NUP210L: variants seen among roughly 807,000 people sequenced by gnomAD.
NUP210L encodes the protein nuclear pore membrane glycoprotein 210-like.
A neutral mutation model predicts 208.5 loss-of-function variants in NUP210L; 74 were observed. The ratio of observed to expected loss-of-function variants is 0.35; its 90% CI spans 0.29 to 0.43. The LOEUF (loss-of-function observed/expected upper bound fraction) is 0.43, where lower values mean the gene tolerates loss of function less well. NUP210L is among the 20% of genes least tolerant of loss of function. The pLI, the probability that NUP210L is intolerant of heterozygous loss-of-function variation, is 1.00. For missense variants in NUP210L, 1,843 were observed against 2,289.4 expected (o/e 0.81, Z 3.98); for synonymous variants, 780 against 816.9 (o/e 0.95, Z 0.77).
intron 16 of NUP210L, among the ~76,000 whole-genome samples, chr1:154,087,870 G>T (rs1655706140): frequency 6.6e-6 from 1 of 152,154 alleles, no homozygotes; most frequent in Non-Finnish European, 1.5e-5. Flanking sequence ...CATATGAAAC[G>T]TCAGAATAGG....
chr1:154,151,626 A>C (rs1212510425), intron 2 of NUP210L, among the ~76,000 whole-genome samples: 3 of 152,192 alleles, frequency 2.0e-5, no homozygotes, highest in African/African-American at 4.8e-5. Flanking sequence ...AAGTCCACTT[A>C]AGAATAGGTT....
At chr1:153,994,193 G>A (rs765882788) in intron 38 of NUP210L, among the ~76,000 whole-genome samples, 2 of 152,028 alleles carry the variant, frequency 1.3e-5, no homozygotes, top group Non-Finnish European at 2.9e-5. Context: ...TTTGTTACTT[G>A]AATTATCCCT....
rs184871299 is a variant in NUP210L at position 154,099,904 on chromosome 1, C to T, written c.1965+94G>A. 8.0e-6 allele frequency: 10 copies of T among 1,251,378 alleles called. No individual in the cohort carries two copies. In the East Asian group the frequency reaches 2.1e-4, roughly 26 times the overall value. 77.5% of individuals were successfully genotyped at this position (1,251,378 alleles called of 1,614,324 possible). On this transcript the variant is annotated intron_variant, in intron 14 of 39. Coordinates refer to ENST00000368559, the Ensembl canonical transcript of NUP210L. ...AAAGAGAACATAAATGTCATTGATCCTTAGTGGGGACCACAGATAGCTAGT... is the reference window on the plus strand; with the variant it reads ...AAAGAGAACATAAATGTCATTGATCTTTAGTGGGGACCACAGATAGCTAGT...
At chr1:154,015,844 T>C (rs1651210548) in intron 33 of NUP210L, among the ~76,000 whole-genome samples, 1 of 151,072 alleles carries the variant, frequency 6.6e-6, no homozygotes, top group South Asian at 2.1e-4. Flanking sequence ...AGGAGGTGGA[T>C]CTGAGTGATC....
Position 154,124,676 on chromosome 1 carries a change from T to C in NUP210L, c.1326+1647A>G, listed in dbSNP as rs140676042. The stretch of plus-strand genomic sequence containing the variant: ...AATTAATAGTACTCTATGCACCTGG[T>C]AGTGGTGGCTCACACCTGTAATCTC... On this transcript the variant is annotated intron_variant, in intron 10 of 39. Coordinates refer to ENST00000368559, the Ensembl canonical transcript of NUP210L. 2.6e-3 allele frequency among the ~76,000 whole-genome samples: 401 copies of C among 152,296 alleles called. 2 individuals are homozygous for C. The highest frequency in any genetic ancestry group is 9.2e-3 in the African/African-American group (382 of 41,572).
intron 34 of NUP210L, among the ~76,000 whole-genome samples, chr1:154,010,870 C>CAAAT (rs151119528): frequency 0.01 from 1,522 of 151,468 alleles, 9 homozygotes; most frequent in East Asian, 0.037. Flanking sequence ...AACTCCGTCT[C>CAAAT]AAATAAATAA....
intron 13 of NUP210L, among the ~76,000 whole-genome samples, chr1:154,103,321 G>A (rs1212360306): frequency 1.3e-5 from 2 of 151,292 alleles, no homozygotes; most frequent in African/African-American, 4.9e-5. Context: ...TTGAACCCGG[G>A]AGGTGGAGGT....
exon 6 of NUP210L, chr1:154,138,217 G>A (rs758396442): frequency 9.1e-6 from 14 of 1,534,244 alleles, no homozygotes; most frequent in Admixed American, 2.5e-5. Flanking sequence ...ACAAGCAGAC[G>A]TATTAAGGCT....
chr1:154,130,187 A>C (rs1394722413), intron 7 of NUP210L, among the ~76,000 whole-genome samples: 3 of 151,962 alleles, frequency 2.0e-5, no homozygotes, highest in Non-Finnish European at 4.4e-5. Flanking sequence ...AAAAATACAA[A>C]AATTAGCCAG....
At chr1:154,126,173 T>C (rs1465648843) in intron 10 of NUP210L, 150 bp downstream of exon 10, 2 of 577,752 alleles carry the variant, frequency 3.5e-6, no homozygotes, top group Non-Finnish European at 3.0e-6. Context: ...AGAAAATTTG[T>C]AGAGGTATAC....
At chr1:154,013,195 G>T (rs1316591542) in intron 33 of NUP210L, among the ~76,000 whole-genome samples, 4 of 151,998 alleles carry the variant, frequency 2.6e-5, no homozygotes. Flanking sequence ...ACCATGCCTA[G>T]CCCAAAATAA....
In NUP210L at chr1:154,096,276, T is replaced by C. The variant is rs148921964; in HGVS notation, c.1966-1120A>G. Among the ~76,000 whole-genome samples, 28 of 152,284 alleles carry C rather than the reference T, an allele frequency of 1.8e-4. No homozygotes were observed. The East Asian group carries it at 5.0e-3, about 27-fold the overall frequency. ...CAGAACTGTTCAGTCATATTTATTA[T>C]TGAGTACTATTAAAACTGAAAATTT... is the stretch of plus-strand genomic sequence containing the variant. On this transcript the variant is annotated intron_variant, in intron 14 of 39. Transcript: ENST00000368559.
chr1:154,083,212 GCTGATTGGTCCATTTTACAGAGCA>G (rs1480637566), intron 16 of NUP210L, among the ~76,000 whole-genome samples: 5 of 152,144 alleles, frequency 3.3e-5, no homozygotes, highest in South Asian at 2.1e-4. Context: ...TTTACAGAGT[GCTGATTGGTCCATTTTACAGAGCA>G]CTGATTGGTC....
intron 6 of NUP210L, 27 bp downstream of exon 6, chr1:154,138,079 C>A: frequency 1.4e-6 from 2 of 1,453,112 alleles, no homozygotes; most frequent in South Asian, 3.1e-5. Flanking sequence ...AAATGTGAGT[C>A]ATAGGAGAAA....
intron 27 of NUP210L, among the ~76,000 whole-genome samples, chr1:154,040,378 AAAAAGAAG>A (rs913590299): frequency 6.6e-6 from 1 of 152,008 alleles, no homozygotes; most frequent in African/African-American, 2.4e-5. Flanking sequence ...GTATCAAAAA[AAAAAGAAG>A]AAAAGAAGAA....
At chr1:154,143,862 C>T (rs1237807873) in intron 2 of NUP210L, among the ~76,000 whole-genome samples, 1 of 151,960 alleles carries the variant, frequency 6.6e-6, no homozygotes, top group Non-Finnish European at 1.5e-5. Context: ...TCTTCAAGAT[C>T]CTGATAACAA....
intron 32 of NUP210L, 100 bp downstream of exon 32, chr1:154,022,026 T>C (rs78345899): frequency 7.4e-6 from 8 of 1,083,808 alleles, no homozygotes; most frequent in East Asian, 2.4e-5. Flanking sequence ...TAAACCACTA[T>C]ACCAGTCCAA....
chr1:154,062,843 G>A (rs912473025), intron 17 of NUP210L, among the ~76,000 whole-genome samples: 1 of 151,910 alleles, frequency 6.6e-6, no homozygotes, highest in African/African-American at 2.4e-5. Context: ...GCCTCCTAAA[G>A]TGCTGGGATT....
At chr1:154,064,663 GTCAATC>G (rs1260229527) in intron 17 of NUP210L, among the ~76,000 whole-genome samples, 3 of 152,182 alleles carry the variant, frequency 2.0e-5, no homozygotes, top group Admixed American at 6.5e-5. Flanking sequence ...GAAAAGCCAT[GTCAATC>G]TCATTCATCA....
Sources: allele counts gnomAD v4.1 joint callset (sites outside exome capture counted in the v4.1 genomes callset), GRCh38; gene constraint gnomAD v4.1.1; transcripts MANE v1.5; gene names NCBI Gene and HGNC (gene_info 2026-07-23, HGNC 2026-07-21).